FGD4: variants seen among roughly 807,000 people sequenced by gnomAD.
FGD4 encodes FYVE, RhoGEF and PH domain containing 4.
In FGD4, 42 loss-of-function variants were observed where a neutral mutation model predicts 102.0. That is an observed-to-expected ratio of 0.41 (90% CI 0.32 to 0.53). The LOEUF is 0.53. FGD4 is among the 20% of genes least tolerant of loss of function. The probability of loss-of-function intolerance (pLI) is 0.21; values close to 1 mark genes in which losing one functional copy is unlikely to be tolerated. For missense variants in FGD4, 902 were observed against 1,078.2 expected (o/e 0.84, Z 2.29); for synonymous variants, 380 against 375.7 (o/e 1.01, Z -0.13).
At position 32,446,991 on chromosome 12, in the gene FGD4, G is replaced by A. The variant is rs138450992; in HGVS notation, c.166+47032G>A. On this transcript the variant is annotated intron_variant, in intron 1 of 16. Coordinates refer to ENST00000534526, the MANE Select transcript of FGD4 (RefSeq NM_001370298.3). ...TTCAGTGTGTTAGCAGCCTTGGGCT[G>A]TGGAAATGTTCCAGGTAACAAAAGG... Among the ~76,000 whole-genome samples, 12 of 152,298 alleles carry A rather than the reference G, an allele frequency of 7.9e-5. No homozygotes were observed. In the East Asian group the frequency reaches 1.9e-3, roughly 24 times the overall value.
At chr12:32,415,414 CTTTTTTTT>C (rs34612851) in intron 1 of FGD4, among the ~76,000 whole-genome samples, 48 of 89,626 alleles carry the variant, frequency 5.4e-4, no homozygotes, top group Admixed American at 3.0e-3. Flanking sequence ...ATCTGTCTCT[CTTTTTTTT>C]TTTTTTTTTT....
chr12:32,597,013 C>T (rs1293030564), intron 4 of FGD4, among the ~76,000 whole-genome samples: 1 of 151,704 alleles, frequency 6.6e-6, no homozygotes. Context: ...CAGAAATCTT[C>T]GCATATACAT....
chr12:32,418,387 C>A (rs544044322), intron 1 of FGD4, among the ~76,000 whole-genome samples: 1 of 152,124 alleles, frequency 6.6e-6, no homozygotes, highest in South Asian at 2.1e-4. Context: ...TTGTGCCCAT[C>A]CTTCTTGGAA....
intron 5 of FGD4, among the ~76,000 whole-genome samples, chr12:32,599,494 C>CAAAAAAAAAAAAAAAA (rs777429838): frequency 3.6e-4 from 7 of 19,702 alleles, no homozygotes; most frequent in African/African-American, 1.6e-3. Context: ...GACTCCGTCT[C>CAAAAAAAAAAAAAAAA]AAAAAAAAAA....
chr12:32,501,278 T>C (rs1354813093), intron 1 of FGD4, among the ~76,000 whole-genome samples: 7 of 152,242 alleles, frequency 4.6e-5, no homozygotes, highest in Admixed American at 2.0e-4. Flanking sequence ...CTGGTGTCAA[T>C]AATGGACATT....
Position 32,596,873 on chromosome 12 carries a change from T to A in FGD4, c.1012-1624T>A, listed in dbSNP as rs77373902. Among the ~76,000 whole-genome samples the A allele has an allele frequency of 7.1e-3, 1,066 of 151,102 alleles. 34 individuals are homozygous for A. The East Asian group carries it at 0.11, about 16-fold the overall frequency. On this transcript the variant is annotated intron_variant, in intron 4 of 16. Coordinates refer to ENST00000534526, the MANE Select transcript of FGD4 (RefSeq NM_001370298.3). ...TCACTTGAACCCGGGAGGCAGAGGT[T>A]GCGGTGAGCCGAGATCATGCCATTG... is the stretch of plus-strand genomic sequence containing the variant.
chr12:32,611,600 G>A (rs548385468), intron 10 of FGD4, among the ~76,000 whole-genome samples: 1 of 152,246 alleles, frequency 6.6e-6, no homozygotes, highest in Admixed American at 6.5e-5. Context: ...TAAAAAAAAG[G>A]AATTATATAT....
chr12:32,526,033 C>T (rs889793185), intron 1 of FGD4, among the ~76,000 whole-genome samples: 3 of 152,270 alleles, frequency 2.0e-5, no homozygotes, highest in Non-Finnish European at 2.9e-5. Context: ...GTCCCATCGA[C>T]CACGCAAGGG....
At chr12:32,532,453 T>A (rs1941892305) in intron 1 of FGD4, among the ~76,000 whole-genome samples, 1 of 152,202 alleles carries the variant, frequency 6.6e-6, no homozygotes, top group Non-Finnish European at 1.5e-5. Flanking sequence ...TAACACTACC[T>A]TACAGAGTGA....
intron 1 of FGD4, among the ~76,000 whole-genome samples, chr12:32,415,547 T>C (rs1181271209): frequency 4.0e-5 from 6 of 150,928 alleles, no homozygotes; most frequent in Middle Eastern, 3.2e-3. Context: ...CTCAGCCTCC[T>C]GAGTAGCTGG....
chr12:32,628,278 A>G (rs1316180601), intron 14 of FGD4, among the ~76,000 whole-genome samples: 2 of 152,076 alleles, frequency 1.3e-5, no homozygotes, highest in Non-Finnish European at 2.9e-5. Context: ...TGGGCCTCAG[A>G]GCTGCCAGGG....
intron 4 of FGD4, among the ~76,000 whole-genome samples, chr12:32,597,914 G>C (rs1948041034): frequency 6.6e-6 from 1 of 152,124 alleles, no homozygotes; most frequent in South Asian, 2.1e-4. Flanking sequence ...GTCTTGCTCT[G>C]TCACCCAGGC....
At chr12:32,516,319 T>C (rs1054669186) in intron 1 of FGD4, among the ~76,000 whole-genome samples, 13 of 152,136 alleles carry the variant, frequency 8.5e-5, no homozygotes, top group Non-Finnish European at 1.2e-4. Context: ...TTTTTTAATT[T>C]TTTTTATAGA....
intron 1 of FGD4, among the ~76,000 whole-genome samples, chr12:32,525,635 C>T (rs1451313607): frequency 6.6e-6 from 1 of 152,244 alleles, no homozygotes; most frequent in Non-Finnish European, 1.5e-5. Flanking sequence ...CTGGCCAAGG[C>T]CGGAGCCCAC....
chr12:32,458,269 C>T (rs1286476621), intron 1 of FGD4, among the ~76,000 whole-genome samples: 1 of 151,876 alleles, frequency 6.6e-6, no homozygotes, highest in African/African-American at 2.4e-5. Flanking sequence ...TCCCTGGGCT[C>T]AGGTGATCTT....
chr12:32,581,565 AAAAATGTTAGG>A (rs1355710380), intron 3 of FGD4, among the ~76,000 whole-genome samples: 1 of 152,230 alleles, frequency 6.6e-6, no homozygotes, highest in Non-Finnish European at 1.5e-5. Context: ...ATCAATAAGT[AAAAATGTTAGG>A]AAGAGATGAT....
Position 32,560,929 on chromosome 12 carries a change from T to A in FGD4, c.167-3208T>A, listed in dbSNP as rs576941846. 2.6e-5 allele frequency among the ~76,000 whole-genome samples: 4 copies of A among 152,158 alleles called. No homozygotes were observed. In the South Asian group the frequency reaches 8.3e-4, roughly 32 times the overall value. Reference sequence around the variant, plus strand: ...CTGGTCTCAAATTCCTAGCGTCATTTAATTTCTGTTTTGGTATTGGCTCTG... The same window carrying A: ...CTGGTCTCAAATTCCTAGCGTCATTAAATTTCTGTTTTGGTATTGGCTCTG... On this transcript the variant is annotated intron_variant, in intron 1 of 16. Coordinates refer to ENST00000534526, the MANE Select transcript of FGD4 (RefSeq NM_001370298.3).
At chr12:32,563,073 C>A (rs1437780258) in intron 1 of FGD4, among the ~76,000 whole-genome samples, 8 of 146,742 alleles carry the variant, frequency 5.5e-5, no homozygotes, top group Non-Finnish European at 1.1e-4. Context: ...CCGGACGGGG[C>A]GGCTGGCCGG....
At chr12:32,586,974 T>G (rs966025768) in intron 4 of FGD4, among the ~76,000 whole-genome samples, 1 of 152,110 alleles carries the variant, frequency 6.6e-6, no homozygotes. Context: ...GGGGATCACC[T>G]GAGGTCAGGA....
Sources: gnomAD v4.1 joint callset for allele counts (sites outside exome capture counted in the v4.1 genomes callset) on GRCh38, gnomAD v4.1.1 for gene constraint, MANE v1.5 for transcripts, NCBI Gene and HGNC (gene_info 2026-07-23, HGNC 2026-07-21) for gene names.